Variants in HS6ST3 observed in about 807,000 individuals in gnomAD.
HS6ST3 encodes the protein heparan sulfate 6-O-sulfotransferase 3, also known as heparan-sulfate 6-O-sulfotransferase 3.
In HS6ST3, 12 loss-of-function variants were observed where a neutral mutation model predicts 36.7. The ratio of observed to expected loss-of-function variants is 0.33; its 90% CI spans 0.21 to 0.53. HS6ST3 has a LOEUF of 0.53. Ranked by LOEUF, HS6ST3 falls within the 20% of genes least tolerant of loss-of-function variation. The pLI is 0.95. For synonymous variants in HS6ST3, 240 were observed against 257.5 expected (o/e 0.93, Z 0.65); for missense variants, 584 against 640.9 (o/e 0.91, Z 0.96).
At chr13:96,223,720 G>A (rs916425937) in intron 1 of HS6ST3, among the ~76,000 whole-genome samples, 12 of 152,172 alleles carry the variant, frequency 7.9e-5, no homozygotes, top group African/African-American at 2.9e-4. Context: ...TAACTTGGGG[G>A]ATGGTAGAAG....
At chr13:96,815,225 G>GT (rs1045554796) in intron 1 of HS6ST3, among the ~76,000 whole-genome samples, 14 of 152,172 alleles carry the variant, frequency 9.2e-5, no homozygotes, top group African/African-American at 3.4e-4. Flanking sequence ...AGTCTCAGCT[G>GT]TTTTTTGCCT....
intron 1 of HS6ST3, among the ~76,000 whole-genome samples, chr13:96,715,152 C>T (rs1311287312): frequency 6.6e-6 from 1 of 151,946 alleles, no homozygotes; most frequent in Non-Finnish European, 1.5e-5. Flanking sequence ...AGTAGGGCTA[C>T]ATATATCACG....
chr13:96,361,172 A>T (rs2139436018), intron 1 of HS6ST3, among the ~76,000 whole-genome samples: 1 of 152,286 alleles, frequency 6.6e-6, no homozygotes, highest in South Asian at 2.1e-4. Context: ...ATGATTTGTT[A>T]TACCTGTGAG....
chr13:96,532,043 C>A (rs74107903), intron 1 of HS6ST3, among the ~76,000 whole-genome samples: 2,691 of 152,266 alleles, frequency 0.018, 82 homozygotes, highest in African/African-American at 0.06. Flanking sequence ...CATCTGGTCA[C>A]CTGAGCCCTA....
Position 96,561,216 on chromosome 13 carries a change from G to A in HS6ST3, c.708-271274G>A, listed in dbSNP as rs1018846867. Among the ~76,000 whole-genome samples, 22 of 152,084 alleles carry A rather than the reference G, an allele frequency of 1.4e-4. No individual in the cohort carries two copies. The East Asian group carries it at 3.9e-3, about 27-fold the overall frequency. On this transcript the variant is annotated intron_variant, in intron 1 of 1. Coordinates refer to ENST00000376705, the MANE Select transcript of HS6ST3 (RefSeq NM_153456.4). Reference sequence around the variant, plus strand: ...AGACAAATGGAACAGAATAGAGAACGCAGAAATAAAGCTACACACCCACAG... The same window carrying A: ...AGACAAATGGAACAGAATAGAGAACACAGAAATAAAGCTACACACCCACAG...
intron 1 of HS6ST3, among the ~76,000 whole-genome samples, chr13:96,460,668 C>T (rs1887602): frequency 0.62 from 94,065 of 152,056 alleles, 32,306 homozygotes; most frequent in South Asian, 0.79. Context: ...GGTATTTTTA[C>T]ACTTAATAGT....
At chr13:96,649,509 A>T (rs904638712) in intron 1 of HS6ST3, among the ~76,000 whole-genome samples, 7 of 152,006 alleles carry the variant, frequency 4.6e-5, no homozygotes, top group Non-Finnish European at 5.9e-5. Flanking sequence ...GTTCAGAAAG[A>T]AACAAAGAAA....
At position 96,799,986 on chromosome 13, in the gene HS6ST3, A is replaced by G. The variant is rs1175457418; in HGVS notation, c.708-32504A>G. On this transcript the variant is annotated intron_variant, in intron 1 of 1. Transcript: ENST00000376705. ...TATGTGTATATATATATATATGTAT[A>G]TATATATATATGTATATATATATAT... Among the ~76,000 whole-genome samples, 161 of 124,270 alleles carry G rather than the reference A, an allele frequency of 1.3e-3. 7 individuals carry two copies. Among genetic ancestry groups the G allele is most frequent in the African/African-American group, 6.1e-3 (155 of 25,618 alleles). 81.5% of individuals were successfully genotyped at this position (124,270 alleles called of 152,430 possible).
chr13:96,442,547 C>T (rs929111501), intron 1 of HS6ST3, among the ~76,000 whole-genome samples: 2 of 152,076 alleles, frequency 1.3e-5, no homozygotes, highest in African/African-American at 2.4e-5. Flanking sequence ...GTTATGCACT[C>T]TTTCTTAGGA....
chr13:96,106,055 A>G (rs981962559), intron 1 of HS6ST3, among the ~76,000 whole-genome samples: 7 of 152,376 alleles, frequency 4.6e-5, no homozygotes, highest in Middle Eastern at 3.4e-3. Flanking sequence ...AGAGCTGTAT[A>G]TAGAGGGTTC....
chr13:96,298,504 A>G (rs1448453712), intron 1 of HS6ST3, among the ~76,000 whole-genome samples: 5 of 152,222 alleles, frequency 3.3e-5, no homozygotes, highest in African/African-American at 1.2e-4. Flanking sequence ...CTTAGATCAG[A>G]CACCCGGGTT....
intron 1 of HS6ST3, among the ~76,000 whole-genome samples, chr13:96,572,151 C>G (rs1229415685): frequency 6.6e-6 from 1 of 152,176 alleles, no homozygotes. Flanking sequence ...AGATCTTGGG[C>G]GTGTCCCTTA....
chr13:96,191,680 C>A (rs1052527209), intron 1 of HS6ST3, among the ~76,000 whole-genome samples: 1 of 152,098 alleles, frequency 6.6e-6, no homozygotes, highest in Admixed American at 6.6e-5. Flanking sequence ...GTCTTATTTA[C>A]TCTCCTATCT....
At chr13:96,463,464 T>G (rs2055795349) in intron 1 of HS6ST3, among the ~76,000 whole-genome samples, 1 of 152,042 alleles carries the variant, frequency 6.6e-6, no homozygotes, top group South Asian at 2.1e-4. Context: ...ATTAAAAAAT[T>G]TAAAAGTGAA....
chr13:96,753,501 A>G (rs1876750106), intron 1 of HS6ST3, among the ~76,000 whole-genome samples: 1 of 152,136 alleles, frequency 6.6e-6, no homozygotes, highest in Non-Finnish European at 1.5e-5. Context: ...TGTTAACTAT[A>G]CTTTCTTTAT....
At chr13:96,756,537 A>G (rs957923822) in intron 1 of HS6ST3, among the ~76,000 whole-genome samples, 10 of 152,290 alleles carry the variant, frequency 6.6e-5, no homozygotes, top group Non-Finnish European at 2.9e-5. Flanking sequence ...ATTTCTACCA[A>G]AAAAACCTTG....
In HS6ST3 at chr13:96,761,576, G is replaced by C. The variant is rs574632503; in HGVS notation, c.708-70914G>C. ...AAAATAGATGAAGTTGAAGCCTGGT[G>C]TGTGCCCTTCCCAATCTAATCTTCC... On this transcript the variant is annotated intron_variant, in intron 1 of 1. Transcript: ENST00000376705. Among the ~76,000 whole-genome samples, 4 of 152,000 alleles carry C rather than the reference G, an allele frequency of 2.6e-5. No individual in the cohort carries two copies. In the East Asian group the frequency reaches 7.8e-4, roughly 30 times the overall value.
At chr13:96,711,549 C>T (rs1466772972) in intron 1 of HS6ST3, among the ~76,000 whole-genome samples, 6 of 152,172 alleles carry the variant, frequency 3.9e-5, no homozygotes, top group African/African-American at 7.2e-5. Context: ...CTTTGTCTGT[C>T]TTCACTCCCT....
At chr13:96,462,934 G>A (rs2055792319) in intron 1 of HS6ST3, among the ~76,000 whole-genome samples, 1 of 152,150 alleles carries the variant, frequency 6.6e-6, no homozygotes, top group African/African-American at 2.4e-5. Flanking sequence ...TTTAGATAAT[G>A]TGTGAGGTTA....
Sources: gnomAD v4.1 joint callset for allele counts (sites outside exome capture counted in the v4.1 genomes callset) on GRCh38, gnomAD v4.1.1 for gene constraint, MANE v1.5 for transcripts, NCBI Gene and HGNC (gene_info 2026-07-23, HGNC 2026-07-21) for gene names.